DUSP14: variants seen among roughly 807,000 people sequenced by gnomAD.
DUSP14 encodes dual specificity protein phosphatase 14.
A neutral mutation model predicts 13.2 loss-of-function variants in DUSP14; 5 were observed. The observed-to-expected ratio is 0.38, with a 90% CI of 0.20 to 0.80. The LOEUF (loss-of-function observed/expected upper bound fraction) is 0.80. Ranked by LOEUF, DUSP14 falls within the 30% of genes least tolerant of loss-of-function variation. The pLI, the probability that DUSP14 is intolerant of heterozygous loss-of-function variation, is 0.44. For missense variants in DUSP14, 185 were observed against 264.0 expected, an observed-to-expected ratio of 0.70 and a Z score of 2.07; for synonymous variants, 91 against 103.4, an observed-to-expected ratio of 0.88 and a Z score of 0.73.
intron 1 of DUSP14, among the ~76,000 whole-genome samples, chr17:37,495,563 G>A (rs1464274674): frequency 6.6e-6 from 1 of 152,170 alleles, no homozygotes; most frequent in African/African-American, 2.4e-5. Flanking sequence ...CTGTTGACTA[G>A]TAAACATTAT....
intron 1 of DUSP14, among the ~76,000 whole-genome samples, chr17:37,509,568 C>T (rs936134604): frequency 2.6e-5 from 4 of 151,632 alleles, no homozygotes; most frequent in Non-Finnish European, 5.9e-5. Context: ...GTGATCCACC[C>T]GCCTCGGCCT....
At chr17:37,500,851 T>G (rs1021488544) in intron 1 of DUSP14, among the ~76,000 whole-genome samples, 11 of 152,180 alleles carry the variant, frequency 7.2e-5, no homozygotes, top group African/African-American at 2.4e-4. Context: ...TCTTAGAGAT[T>G]ACTCCCTAGA....
At chr17:37,505,635 CTTTTTTTTTTTTT>C (rs35707292) in intron 1 of DUSP14, among the ~76,000 whole-genome samples, 1 of 120,962 alleles carries the variant, frequency 8.3e-6, no homozygotes, top group African/African-American at 3.1e-5. Flanking sequence ...TGGTTGTCAT[CTTTTTTTTTTTTT>C]TTTTTTTTTA....
intron 2 of DUSP14, among the ~76,000 whole-genome samples, chr17:37,511,809 C>T (rs2054188561): frequency 6.6e-6 from 1 of 150,902 alleles, no homozygotes; most frequent in African/African-American, 2.4e-5. Flanking sequence ...GATGGGGTCT[C>T]ACTGTGTTGC....
At chr17:37,506,800 T>C (rs1037055709) in intron 1 of DUSP14, among the ~76,000 whole-genome samples, 1 of 152,210 alleles carries the variant, frequency 6.6e-6, no homozygotes, top group African/African-American at 2.4e-5. Context: ...GGGGGATGTT[T>C]TGTGCACCAA....
At chr17:37,500,807 C>T (rs1314319389) in intron 1 of DUSP14, among the ~76,000 whole-genome samples, 1 of 152,118 alleles carries the variant, frequency 6.6e-6, no homozygotes, top group Non-Finnish European at 1.5e-5. Context: ...ATTTCACACC[C>T]GAAGACCATC....
chr17:37,512,656 A>G lies in DUSP14; in HGVS notation c.384A>G (p.Lys128=), dbSNP rs769393302. The G allele has an allele frequency of 6.2e-7, 1 of 1,613,674 alleles. No individual in the cohort carries two copies. Among genetic ancestry groups the G allele is most frequent in the Admixed American group, 1.7e-5 (1 of 60,022 alleles). ...CGCTGTGTATCGCGTACCTGATGAA[A>G]TTCCACAACGTGTGCCTGCTGGAGG... The part of the protein sequence containing the change: ...SATLCIAYLM[K]FHNVCLLEAY... The change falls in exon 3 of 3, where the codon AAA becomes AAG. Residue 128 remains lysine, a synonymous_variant. Coordinates refer to ENST00000617516, the MANE Select transcript of DUSP14 (RefSeq NM_007026.4). This position sits in a 1 kb window ranked among gnomAD's most constrained non-coding sequence, Gnocchi z 4.8.
chr17:37,489,769 CCCCCG>C (rs1404089936), upstream of DUSP14: 1 of 148,988 alleles, frequency 6.7e-6, no homozygotes, highest in East Asian at 1.9e-4. Context: ...CCCGCGCGTC[CCCCCG>C]CCCCGCGTCG....
Position 37,513,492 on chromosome 17 carries a change from T to TAAC in DUSP14, c.*625_*627dup, listed in dbSNP as rs1012734227. On this transcript the variant is annotated 3_prime_UTR_variant, in exon 3 of 3. Coordinates refer to ENST00000617516, the MANE Select transcript of DUSP14 (RefSeq NM_007026.4). ...ATTATTTTTAATAAATCTATATGCT[T>TAAC]AACATATTAGAATTTTTACTAATAA... 2 of 167,004 alleles carry TAAC rather than the reference T, an allele frequency of 1.2e-5. No homozygotes were observed. Among genetic ancestry groups the TAAC allele is most frequent in the African/African-American group, 4.8e-5 (2 of 41,452 alleles). 10.3% of individuals were successfully genotyped at this position (167,004 alleles called of 1,614,324 possible). A position where few individuals can be genotyped will look rare whatever the true frequency, so the allele number is the denominator to read the frequency against.
chr17:37,497,414 T>TA (rs1174935518), intron 1 of DUSP14, among the ~76,000 whole-genome samples: 1 of 152,140 alleles, frequency 6.6e-6, no homozygotes, highest in Non-Finnish European at 1.5e-5. Flanking sequence ...GTGCTGGGAT[T>TA]ACAGGCATGC....
intron 1 of DUSP14, among the ~76,000 whole-genome samples, chr17:37,506,523 C>CA (rs1265980759): frequency 6.6e-6 from 1 of 152,182 alleles, no homozygotes; most frequent in Admixed American, 6.5e-5. Flanking sequence ...CATTGTCCTG[C>CA]AGTGGGATGG....
intron 1 of DUSP14, among the ~76,000 whole-genome samples, chr17:37,509,270 T>G (rs1288394769): frequency 8.0e-5 from 2 of 24,894 alleles, no homozygotes; most frequent in East Asian, 7.6e-3. Flanking sequence ...TATATATATA[T>G]ATATATATAT....
intron 1 of DUSP14, 134 bp from the exon 2 acceptor site, chr17:37,510,543 C>G (rs2054176514): frequency 6.6e-6 from 1 of 152,214 alleles, no homozygotes; most frequent in Admixed American, 6.5e-5. Flanking sequence ...TTTAAATGCA[C>G]ACCTGCGAAT....
chr17:37,498,679 T>G (rs1376515027), intron 1 of DUSP14, among the ~76,000 whole-genome samples: 2 of 151,496 alleles, frequency 1.3e-5, no homozygotes, highest in Non-Finnish European at 2.9e-5. Flanking sequence ...GTAATCAGTT[T>G]TTTTTTTTTT....
intron 1 of DUSP14, among the ~76,000 whole-genome samples, chr17:37,491,292 CTCT>C (rs1317865437): frequency 6.6e-6 from 1 of 152,188 alleles, no homozygotes; most frequent in Admixed American, 6.5e-5. Flanking sequence ...CAGTGAACGC[CTCT>C]TCTTCGCCAG....
intron 1 of DUSP14, among the ~76,000 whole-genome samples, chr17:37,509,118 TATATATATATACACACACACACACAC>T (rs1356276872): frequency 2.8e-5 from 1 of 35,620 alleles, no homozygotes; most frequent in Non-Finnish European, 4.8e-5. Flanking sequence ...TATATATATA[TATATATATATACACACACACACACAC>T]ACACACACAC....
chr17:37,512,897 GAGC>G lies in DUSP14; in HGVS notation c.*29_*31del. On this transcript the variant is annotated 3_prime_UTR_variant, in exon 3 of 3. Transcript: ENST00000617516. The surrounding 1 kb of genome is among the most constrained non-coding windows in gnomAD (Gnocchi z 4.8). ...CCACTGAAGCCTGCGTCAGCAGCCC[GAGC>G]GGGGCCGGCATCTGCTCCCCGCCGT... 1 of 1,565,574 alleles carries G rather than the reference GAGC, an allele frequency of 6.4e-7. No homozygotes were observed. The highest frequency in any genetic ancestry group is 1.2e-5 in the South Asian group (1 of 86,938).
At chr17:37,495,801 A>G (rs965706754) in intron 1 of DUSP14, among the ~76,000 whole-genome samples, 1 of 151,998 alleles carries the variant, frequency 6.6e-6, no homozygotes, top group African/African-American at 2.4e-5. Context: ...CTGGGATTAC[A>G]GGCGCATGCC....
intron 1 of DUSP14, among the ~76,000 whole-genome samples, chr17:37,498,350 A>C (rs2054080639): frequency 9.2e-6 from 1 of 108,638 alleles, no homozygotes; most frequent in South Asian, 3.0e-4. Flanking sequence ...TTTTTGAGAC[A>C]GAGTCTCGCT....
Sources: allele counts gnomAD v4.1 joint callset (sites outside exome capture counted in the v4.1 genomes callset), GRCh38; gene constraint gnomAD v4.1.1; non-coding constraint Gnocchi (gnomAD v3.1); transcripts MANE v1.5; gene names NCBI Gene and HGNC (gene_info 2026-07-23, HGNC 2026-07-21).